The following HECW1 variants were observed in gnomAD, a reference collection of about 807,000 sequenced individuals.
The protein encoded by HECW1 is E3 ubiquitin-protein ligase HECW1.
HECW1 carries 61 observed loss-of-function variants against 182.3 expected under a neutral mutation model. That is an observed-to-expected ratio of 0.33 (90% CI 0.27 to 0.41). The LOEUF (loss-of-function observed/expected upper bound fraction) is 0.41, where lower values mean the gene tolerates loss of function less well. Ranked by LOEUF, HECW1 falls within the 10% of genes least tolerant of loss-of-function variation. The pLI is 1.00. For missense variants in HECW1, 1,739 were observed against 2,108.9 expected (o/e 0.82, Z 3.44); for synonymous variants, 859 against 832.6 (o/e 1.03, Z -0.55).
intron 2 of HECW1, among the ~76,000 whole-genome samples, chr7:43,173,663 CAGG>C (rs1791915318): frequency 6.6e-6 from 1 of 152,148 alleles, no homozygotes; most frequent in South Asian, 2.1e-4. Context: ...ACTGATCTGA[CAGG>C]AGGCAGAGCT....
intron 2 of HECW1, among the ~76,000 whole-genome samples, chr7:43,159,486 A>G (rs1790272427): frequency 1.3e-5 from 2 of 152,006 alleles, no homozygotes; most frequent in South Asian, 4.1e-4. Context: ...ATACATTGAT[A>G]TATTAGTTTC....
intron 3 of HECW1, among the ~76,000 whole-genome samples, chr7:43,251,852 A>G (rs1463215273): frequency 6.6e-6 from 1 of 152,160 alleles, no homozygotes; most frequent in Admixed American, 6.5e-5. Flanking sequence ...ATTTATTTCC[A>G]TGTGGCTGTT....
At chr7:43,255,375 G>A (rs1800450916) in intron 3 of HECW1, among the ~76,000 whole-genome samples, 2 of 152,122 alleles carry the variant, frequency 1.3e-5, no homozygotes, top group African/African-American at 4.8e-5. Flanking sequence ...GAGGTGGGTG[G>A]ATCACCTAAG....
At chr7:43,266,280 A>G (rs1201315496) in intron 3 of HECW1, among the ~76,000 whole-genome samples, 1 of 152,140 alleles carries the variant, frequency 6.6e-6, no homozygotes, top group Non-Finnish European at 1.5e-5. Flanking sequence ...GAAGGGGCTG[A>G]TTATGAGTAA....
intron 4 of HECW1, among the ~76,000 whole-genome samples, chr7:43,318,106 C>T (rs1160048203): frequency 6.6e-6 from 1 of 152,156 alleles, no homozygotes; most frequent in Non-Finnish European, 1.5e-5. Context: ...TACCCATTAT[C>T]TCATGCATGA....
chr7:43,317,397 C>T (rs774897633), intron 4 of HECW1, among the ~76,000 whole-genome samples: 8 of 152,334 alleles, frequency 5.3e-5, no homozygotes, highest in Admixed American at 1.3e-4. Context: ...GCAGCCCTTG[C>T]GAGTGAGGCA....
At chr7:43,501,186 T>TC (rs2079340999) in intron 20 of HECW1, 27 bp from the exon 21 acceptor site, 10 of 497,776 alleles carry the variant, frequency 2.0e-5, no homozygotes, top group South Asian at 7.5e-5. Flanking sequence ...TTTCTTTCTT[T>TC]TTTTTTTTTT....
At chr7:43,383,365 T>C (rs957774621) in intron 6 of HECW1, among the ~76,000 whole-genome samples, 1 of 152,232 alleles carries the variant, frequency 6.6e-6, no homozygotes, top group Non-Finnish European at 1.5e-5. Context: ...CACACTGTCT[T>C]CCACAATGGT....
chr7:43,244,964 C>T (rs1434227930), intron 3 of HECW1, among the ~76,000 whole-genome samples: 2 of 152,230 alleles, frequency 1.3e-5, no homozygotes, highest in Admixed American at 6.5e-5. Context: ...CGCTCACATG[C>T]AGAGGCAGCT....
At position 43,363,826 on chromosome 7, in the gene HECW1, T is replaced by G. The variant is rs1375685387; in HGVS notation, c.555+2846T>G. ...TGGAGAGAGGCAGGAACTACCCTTCTGGTTAAGTGATCATTTGGCTATATG... is the reference window on the plus strand; with the variant it reads ...TGGAGAGAGGCAGGAACTACCCTTCGGGTTAAGTGATCATTTGGCTATATG... On this transcript the variant is annotated intron_variant, in intron 6 of 29. Coordinates refer to ENST00000395891, the MANE Select transcript of HECW1 (RefSeq NM_015052.5). Among the ~76,000 whole-genome samples the G allele has an allele frequency of 2.0e-5, 3 of 152,332 alleles. No individual in the cohort carries two copies. The East Asian group carries it at 5.8e-4, about 29-fold the overall frequency.
chr7:43,143,493 C>T (rs1788386565), intron 2 of HECW1, among the ~76,000 whole-genome samples: 1 of 151,900 alleles, frequency 6.6e-6, no homozygotes, highest in Non-Finnish European at 1.5e-5. Flanking sequence ...ACCATGCTAC[C>T]CAGGCTCGTC....
intron 8 of HECW1, among the ~76,000 whole-genome samples, chr7:43,425,225 T>TCAAA (rs2076318701): frequency 6.8e-6 from 1 of 147,458 alleles, no homozygotes; most frequent in African/African-American, 2.5e-5. Flanking sequence ...ACCAAGACAC[T>TCAAA]CACACACACA....
At chr7:43,264,625 C>G (rs554774517) in intron 3 of HECW1, among the ~76,000 whole-genome samples, 1 of 152,078 alleles carries the variant, frequency 6.6e-6, no homozygotes, top group Non-Finnish European at 1.5e-5. Context: ...GCGGGCAGAT[C>G]ACAAGGTCAG....
At chr7:43,317,463 C>A (rs1809470138) in intron 4 of HECW1, among the ~76,000 whole-genome samples, 1 of 152,242 alleles carries the variant, frequency 6.6e-6, no homozygotes, top group Non-Finnish European at 1.5e-5. Context: ...TCCAGAGGCC[C>A]TGCCTAGAGT....
At chr7:43,305,740 A>C (rs551182113) in intron 3 of HECW1, among the ~76,000 whole-genome samples, 1 of 150,448 alleles carries the variant, frequency 6.6e-6, no homozygotes, top group South Asian at 2.1e-4. Context: ...CTGCGATTAC[A>C]GGCGCCCGTC....
intron 19 of HECW1, among the ~76,000 whole-genome samples, chr7:43,494,008 G>T (rs1026677219): frequency 6.6e-6 from 1 of 152,136 alleles, no homozygotes; most frequent in African/African-American, 2.4e-5. Flanking sequence ...ATTATTCCCT[G>T]CCCATGTGGT....
intron 6 of HECW1, among the ~76,000 whole-genome samples, chr7:43,369,389 C>T (rs965590727): frequency 1.3e-4 from 20 of 152,102 alleles, no homozygotes; most frequent in African/African-American, 4.1e-4. Flanking sequence ...ACTCGGGAGG[C>T]GGAGGTTACG....
intron 13 of HECW1, among the ~76,000 whole-genome samples, chr7:43,457,752 G>T (rs2077450939): frequency 6.7e-6 from 1 of 148,972 alleles, no homozygotes. Context: ...TCCAGCCTGG[G>T]AGACAGAGTA....
At chr7:43,488,614 C>T (rs1363197294) in intron 17 of HECW1, among the ~76,000 whole-genome samples, 1 of 152,188 alleles carries the variant, frequency 6.6e-6, no homozygotes, top group African/African-American at 2.4e-5. Context: ...TTGTTTAGTA[C>T]CAGTACAGGG....
Sources: gnomAD v4.1 joint callset for allele counts (sites outside exome capture counted in the v4.1 genomes callset) on GRCh38, gnomAD v4.1.1 for gene constraint, MANE v1.5 for transcripts, NCBI Gene and HGNC (gene_info 2026-07-23, HGNC 2026-07-21) for gene names.